Variants in PCDH15 observed in about 807,000 individuals in gnomAD.
PCDH15 encodes protocadherin-15.
Under a neutral mutation model 178.5 loss-of-function variants are expected in PCDH15, and 129 were observed. The observed-to-expected ratio is 0.72, with a 90% confidence interval of 0.63 to 0.84. The LOEUF is 0.84. Ranked by LOEUF, PCDH15 falls within the 40% of genes least tolerant of loss-of-function variation. The probability of loss-of-function intolerance (pLI) is 0.00; values close to 1 mark genes in which losing one functional copy is unlikely to be tolerated. For synonymous variants in PCDH15, 800 were observed against 732.0 expected (o/e 1.09, Z -1.50); for missense variants, 2,230 against 2,099.9 (o/e 1.06, Z -1.21).
intron 1 of PCDH15, among the ~76,000 whole-genome samples, chr10:55,210,702 C>G (rs1034440555): frequency 7.6e-6 from 1 of 132,408 alleles, no homozygotes; most frequent in African/African-American, 2.8e-5. Flanking sequence ...GATCTCGGCT[C>G]ACTGCAATCT....
At chr10:54,450,134 T>TAA (rs1399444316) in intron 3 of PCDH15, among the ~76,000 whole-genome samples, 27 of 47,594 alleles carry the variant, frequency 5.7e-4, no homozygotes, top group African/African-American at 1.2e-3. Context: ...TTTATAAATA[T>TAA]ATATATATAT....
chr10:55,068,555 C>G (rs567938248), intron 2 of PCDH15, among the ~76,000 whole-genome samples: 170 of 152,092 alleles, frequency 1.1e-3, no homozygotes, highest in Non-Finnish European at 1.7e-3. Flanking sequence ...TTATTTTGCT[C>G]AGGATTTCTT....
chr10:55,291,856 A>T (rs1165965805), intron 1 of PCDH15, among the ~76,000 whole-genome samples: 1 of 152,170 alleles, frequency 6.6e-6, no homozygotes, highest in African/African-American at 2.4e-5. Flanking sequence ...CATGGATGGC[A>T]GCAGACAGAG....
At chr10:55,308,458 G>A (rs1408821293) in intron 1 of PCDH15, among the ~76,000 whole-genome samples, 1 of 152,194 alleles carries the variant, frequency 6.6e-6, no homozygotes, top group Non-Finnish European at 1.5e-5. Flanking sequence ...GGTCCACGAA[G>A]AGCATGGTGT....
intron 3 of PCDH15, among the ~76,000 whole-genome samples, chr10:54,889,680 C>T (rs1459159070): frequency 2.0e-5 from 3 of 151,210 alleles, no homozygotes; most frequent in Non-Finnish European, 3.0e-5. Context: ...GATACTTTAT[C>T]TATAATAATG....
rs181790473 is a variant in PCDH15 at position 54,592,007 on chromosome 10, C to T, written c.92-64130G>A. On this transcript the variant is annotated intron_variant, in intron 2 of 37. Transcript: ENST00000644397. The stretch of plus-strand genomic sequence containing the variant: ...GGAATTTTCAATGACAATCAATGTT[C>T]CAAAAAAGCTATGACCTACACTTGA... 1.9e-4 allele frequency among the ~76,000 whole-genome samples: 29 copies of T among 152,116 alleles called. 1 individual carries two copies. The highest frequency in any genetic ancestry group is 7.4e-5 in the Non-Finnish European group (5 of 68,000).
chr10:54,433,907 T>C (rs1589387219), intron 3 of PCDH15, among the ~76,000 whole-genome samples: 2 of 152,190 alleles, frequency 1.3e-5, no homozygotes, highest in East Asian at 3.8e-4. Flanking sequence ...TCAGGAGATA[T>C]TGCACAAGAA....
At chr10:54,225,469 T>C (rs80012274) in intron 9 of PCDH15, among the ~76,000 whole-genome samples, 6,872 of 152,290 alleles carry the variant, frequency 0.045, 201 homozygotes, top group Middle Eastern at 0.095. Context: ...CTCTCTGATG[T>C]GTTCCTTTTT....
Position 54,710,971 on chromosome 10 carries a change from G to A in PCDH15, c.-28-46681C>T, listed in dbSNP as rs532803774. On this transcript the variant is annotated intron_variant, in intron 1 of 37. Transcript: ENST00000644397. ...GCAGGCATAAACCGGATTGCTTTGG[G>A]AAAACCAGTATATATGATCACCTGT... Among the ~76,000 whole-genome samples, 3 of 152,072 alleles carry A rather than the reference G, an allele frequency of 2.0e-5. No homozygotes were observed. In the South Asian group the frequency reaches 6.2e-4, roughly 32 times the overall value.
chr10:55,457,190 A>G (rs1839573421), intron 2 of PCDH15, among the ~76,000 whole-genome samples: 3 of 152,108 alleles, frequency 2.0e-5, no homozygotes, highest in African/African-American at 7.2e-5. Flanking sequence ...AAGTAATTAC[A>G]GAAAACTGAG....
upstream of PCDH15, among the ~76,000 whole-genome samples, chr10:55,320,509 ACT>A (rs1378998518): frequency 2.6e-5 from 4 of 152,320 alleles, no homozygotes; most frequent in African/African-American, 7.2e-5. Context: ...TCCTGCTGTC[ACT>A]GCCTGATAAA....
rs115289166 is a variant in PCDH15, at chr10:55,405,456, C to G, written c.-156+222169G>C. On this transcript the variant is annotated intron_variant, in intron 2 of 5. Coordinates refer to the PCDH15 transcript ENST00000613346. ...TCTTTTCAGCCTTTGCCTTTTCTAACTTAAATCATTTATCTATTTACTTCA... is the reference window on the plus strand; with the variant it reads ...TCTTTTCAGCCTTTGCCTTTTCTAAGTTAAATCATTTATCTATTTACTTCA... 7.4e-3 allele frequency among the ~76,000 whole-genome samples: 1,124 copies of G among 151,360 alleles called. 13 individuals carry two copies. Among genetic ancestry groups the G allele is most frequent in the African/African-American group, 0.024 (1,004 of 41,310 alleles).
chr10:53,855,094 C>T (rs2078635330), intron 28 of PCDH15, among the ~76,000 whole-genome samples: 6 of 151,886 alleles, frequency 4.0e-5, no homozygotes, highest in Admixed American at 3.9e-4. Flanking sequence ...TGTAAAACAT[C>T]CTTTCAATAA....
chr10:55,424,261 T>C (rs1838696238), intron 2 of PCDH15, among the ~76,000 whole-genome samples: 1 of 152,098 alleles, frequency 6.6e-6, no homozygotes, highest in Non-Finnish European at 1.5e-5. Context: ...AACTAATTAT[T>C]CTTTGTGCTG....
At chr10:55,180,155 A>G (rs181808926) in intron 1 of PCDH15, among the ~76,000 whole-genome samples, 1 of 152,174 alleles carries the variant, frequency 6.6e-6, no homozygotes, top group East Asian at 1.9e-4. Flanking sequence ...GAAGTTGGAG[A>G]GGGATTTGGC....
rs142523024 is a variant in PCDH15 at position 55,254,681 on chromosome 10, A to G, written c.-156+64918T>C. ...GCAAAGCAATATGAGATATTAAAAT[A>G]TAATTGTAATTCCCTAATATCTGTA... On this transcript the variant is annotated intron_variant, in intron 1 of 5. Transcript: ENST00000458638. Among the ~76,000 whole-genome samples the G allele has an allele frequency of 2.8e-3, 434 of 152,348 alleles. 4 individuals carry two copies. Among genetic ancestry groups the G allele is most frequent in the African/African-American group, 9.8e-3 (406 of 41,588 alleles).
intron 3 of PCDH15, among the ~76,000 whole-genome samples, chr10:54,863,894 T>A (rs1953891335): frequency 1.3e-5 from 2 of 152,320 alleles, no homozygotes; most frequent in South Asian, 4.1e-4. Flanking sequence ...GTAAGTTTAA[T>A]TATATCAAAA....
intron 26 of PCDH15, among the ~76,000 whole-genome samples, chr10:53,890,870 T>C (rs955323453): frequency 2.0e-5 from 3 of 152,184 alleles, no homozygotes; most frequent in Non-Finnish European, 4.4e-5. Context: ...GCATAAAATC[T>C]CTCTCCAGGC....
chr10:53,980,382 T>C (rs1018447123), intron 21 of PCDH15, among the ~76,000 whole-genome samples: 2 of 152,140 alleles, frequency 1.3e-5, no homozygotes, highest in Non-Finnish European at 2.9e-5. Context: ...ATTTTAAAAA[T>C]GTGTGGGATT....
Sources: allele counts gnomAD v4.1 joint callset (sites outside exome capture counted in the v4.1 genomes callset), GRCh38; gene constraint gnomAD v4.1.1; transcripts MANE v1.5; gene names NCBI Gene and HGNC (gene_info 2026-07-23, HGNC 2026-07-21).